Variants in TMEM98 observed in about 807,000 individuals in gnomAD.
The protein encoded by TMEM98 is transmembrane protein 98.
TMEM98 carries 18 observed loss-of-function variants against 25.0 expected under a neutral mutation model. The ratio of observed to expected loss-of-function variants is 0.72; its 90% confidence interval spans 0.50 to 1.07. The LOEUF is 1.07. TMEM98 is among the 50% of genes least tolerant of loss of function. The pLI, the probability that TMEM98 is intolerant of heterozygous loss-of-function variation, is 0.00. For missense variants in TMEM98, 241 were observed against 289.0 expected (o/e 0.83, Z 1.20); for synonymous variants, 103 against 112.4 (o/e 0.92, Z 0.53).
At chr17:32,931,993 G>A (rs2091472295) in intron 3 of TMEM98, among the ~76,000 whole-genome samples, 1 of 151,866 alleles carries the variant, frequency 6.6e-6, no homozygotes, top group Non-Finnish European at 1.5e-5. Flanking sequence ...AGACCCACAG[G>A]AACAGAAATC....
intron 6 of TMEM98, among the ~76,000 whole-genome samples, chr17:32,938,718 G>A (rs929914140): frequency 6.6e-6 from 1 of 151,940 alleles, no homozygotes. Context: ...GTGAAATACT[G>A]CAGACATACA....
At chr17:32,938,259 T>C (rs990807516) in intron 6 of TMEM98, among the ~76,000 whole-genome samples, 2 of 152,212 alleles carry the variant, frequency 1.3e-5, no homozygotes, top group Non-Finnish European at 2.9e-5. Flanking sequence ...TTGTTTTTCC[T>C]GCTCCATTTA....
rs2091532307 is a variant in TMEM98, at chr17:32,941,751, C to T, written c.*758C>T. The T allele has an allele frequency of 6.6e-6, 1 of 152,122 alleles. No individual in the cohort carries two copies. The highest frequency in any genetic ancestry group is 1.5e-5 in the Non-Finnish European group (1 of 68,042). The allele number at this position is 152,122 out of a possible 1,614,324, so 9.4% of individuals were successfully genotyped here. A position where few individuals can be genotyped will look rare whatever the true frequency, so the allele number is the denominator to read the frequency against. ...ATCCTGAGGATGATTTCTGTGTATGCCTCAAAATGAGATATTTAGGCTGGG... is the reference window on the plus strand; with the variant it reads ...ATCCTGAGGATGATTTCTGTGTATGTCTCAAAATGAGATATTTAGGCTGGG... On this transcript the variant is annotated 3_prime_UTR_variant, in exon 8 of 8. Transcript: ENST00000579849.
chr17:32,940,004 A>G (rs939601733), intron 7 of TMEM98, among the ~76,000 whole-genome samples: 1 of 152,278 alleles, frequency 6.6e-6, no homozygotes, highest in African/African-American at 2.4e-5. Context: ...ACTTAGCCCT[A>G]TGAAATTGTT....
chr17:32,935,072 A>C (rs1358796023), intron 5 of TMEM98, among the ~76,000 whole-genome samples: 1 of 152,040 alleles, frequency 6.6e-6, no homozygotes, highest in African/African-American at 2.4e-5. Context: ...ACTAGTAATT[A>C]TTCAAGATTT....
At chr17:32,929,439 G>A (rs1286439681) in intron 1 of TMEM98, among the ~76,000 whole-genome samples, 1 of 152,160 alleles carries the variant, frequency 6.6e-6, no homozygotes, top group Non-Finnish European at 1.5e-5. Flanking sequence ...TGAGAAGCGG[G>A]AGACGGGAGC....
In TMEM98 at chr17:32,938,128, G is replaced by C. The variant is rs116285236; in HGVS notation, c.414-1349G>C. Among the ~76,000 whole-genome samples the C allele has an allele frequency of 5.9e-3, 901 of 152,250 alleles. 8 individuals are homozygous for C. The highest frequency in any genetic ancestry group is 0.019 in the African/African-American group (804 of 41,530). On this transcript the variant is annotated intron_variant, in intron 6 of 7. Transcript: ENST00000579849. ...AGTGGACCTGTTCTGGTGCTCACAG[G>C]CCCATCCTAAAGAGTACCTTGGACT...
Position 32,928,897 on chromosome 17 carries a change from CAG to C in TMEM98, c.-131+663_-131+664del, listed in dbSNP as rs936421594. Among the ~76,000 whole-genome samples, 56 of 143,882 alleles carry C rather than the reference CAG, an allele frequency of 3.9e-4. 2 individuals are homozygous for C. Among genetic ancestry groups the C allele is most frequent in the Middle Eastern group, 7.0e-3 (2 of 284 alleles). The allele number at this position is 143,882 out of a possible 152,430, so 94.4% of individuals were successfully genotyped here. A position where few individuals can be genotyped will look rare whatever the true frequency, so the allele number is the denominator to read the frequency against. On this transcript the variant is annotated intron_variant, in intron 1 of 7. Transcript: ENST00000579849. ...ACACACACTCAGAAACACACGCACT[CAG>C]AGGCACACAAGATAAACACTCAGCT...
At chr17:32,936,788 C>T (rs968267904) in intron 6 of TMEM98, among the ~76,000 whole-genome samples, 1 of 152,220 alleles carries the variant, frequency 6.6e-6, no homozygotes, top group African/African-American at 2.4e-5. Context: ...GACACGCCTT[C>T]CTCCCAGGCC....
At position 32,933,271 on chromosome 17, in the gene TMEM98, A is replaced by G. The variant is rs1468884183; in HGVS notation, c.229A>G (p.Ile77Val). The G allele has an allele frequency of 3.1e-6, 5 of 1,614,072 alleles. No individual in the cohort carries two copies. In the Admixed American group the frequency reaches 6.7e-5, roughly 22 times the overall value. Residue 77 changes from isoleucine (I) to valine (V), a missense_variant, in exon 4 of 8, where the codon ATT becomes GTT. Physicochemically the swap from Ile to Val is conservative, Grantham distance 29. Transcript: ENST00000579849. ...VVITNPHIEA[I>V]LENEDWIEDA... Reference sequence around the variant, plus strand: ...TATCACCAACCCCCACATTGAGGCCATTCTGGAGAATGAAGACTGGATCGA... The same window carrying G: ...TATCACCAACCCCCACATTGAGGCCGTTCTGGAGAATGAAGACTGGATCGA...
Position 32,931,313 on chromosome 17 carries a change from T to C in TMEM98, c.-130-14T>C. 1 of 487,582 alleles carries C rather than the reference T, an allele frequency of 2.1e-6. No individual in the cohort carries two copies. Among genetic ancestry groups the C allele is most frequent in the Non-Finnish European group, 3.4e-6 (1 of 289,892 alleles). 30.2% of individuals were successfully genotyped at this position (487,582 alleles called of 1,614,324 possible). The stretch of plus-strand genomic sequence containing the variant: ...TTTGGGGCATGGCATAAATTTTACC[T>C]TGGTTCTCTTCAGGCCCTCAGGTCT... On this transcript the variant is annotated splice_polypyrimidine_tract_variant and intron_variant, in intron 1 of 7. Transcript: ENST00000579849.
rs2091479734 is a variant in TMEM98 at position 32,933,305 on chromosome 17, C to T, written c.263C>T (p.Ser88Leu). The T allele has an allele frequency of 6.2e-7, 1 of 1,614,062 alleles. No individual in the cohort carries two copies. Among genetic ancestry groups the T allele is most frequent in the African/African-American group, 1.3e-5 (1 of 75,036 alleles). The change falls in exon 4 of 8, where the codon TCG becomes TTG. Residue 88 changes from serine (S) to leucine (L), a missense_variant and splice_region_variant. Coordinates refer to ENST00000579849, the MANE Select transcript of TMEM98 (RefSeq NM_015544.3). ...AATGAAGACTGGATCGAAGATGCCT[C>T]GTAAGGCCATGGGAACTGTTTGCTT... ...LENEDWIEDA[S>L]GLMSHCIAIL... is the part of the protein sequence containing the mutation.
In TMEM98 at chr17:32,941,575, T is replaced by G. The variant is rs912900479; in HGVS notation, c.*582T>G. 64 of 152,358 alleles carry G rather than the reference T, an allele frequency of 4.2e-4. No homozygotes were observed. The highest frequency in any genetic ancestry group is 1.4e-3 in the African/African-American group (60 of 41,526). 9.4% of individuals were successfully genotyped at this position (152,358 alleles called of 1,614,324 possible). The stretch of plus-strand genomic sequence containing the variant: ...AGGAACTACAAAGTTGATGATTTCT[T>G]TTTTATCTTTATGCCTGCAATTTTA... On this transcript the variant is annotated 3_prime_UTR_variant, in exon 8 of 8. Transcript: ENST00000579849.
At chr17:32,938,170 G>A (rs29000) in intron 6 of TMEM98, among the ~76,000 whole-genome samples, 12,332 of 152,162 alleles carry the variant, frequency 0.081, 588 homozygotes, top group Non-Finnish European at 0.094. Context: ...AGAATGCTCC[G>A]TGCCATAATT....
At position 32,939,564 on chromosome 17, in the gene TMEM98, G is replaced by GT. The variant is rs1197967432; in HGVS notation, c.473+33dup. On this transcript the variant is annotated intron_variant, in intron 7 of 7. Transcript: ENST00000579849. ...GAGACCAGGGGTGGGTGCATGTTCG[G>GT]TTTTTCATGCAGAGGTCCACAACCG... 1.9e-6 allele frequency: 3 copies of GT among 1,613,526 alleles called. No homozygotes were observed. The African/African-American group carries it at 4.0e-5, about 22-fold the overall frequency.
intron 4 of TMEM98, among the ~76,000 whole-genome samples, chr17:32,933,775 T>TA (rs1272621754): frequency 1.3e-5 from 2 of 152,216 alleles, no homozygotes; most frequent in Non-Finnish European, 1.5e-5. Context: ...GTGCTGCAGA[T>TA]ATTGAAACGG....
In TMEM98 at chr17:32,939,534, A is replaced by C. The variant is rs773290580; in HGVS notation, c.471A>C (p.Ala157=). The change falls in exon 7 of 8, where the codon GCA becomes GCC. Residue 157 remains alanine (A), a splice_region_variant and synonymous_variant. Transcript: ENST00000579849. ...CGTTGGACCCCAAACTCCTGGACGC[A>C]CGGTGAGACCAGGGGTGGGTGCATG... The part of the protein sequence containing the change: ...YPPLDPKLLD[A]RTTALLLSVS... 2 of 1,614,132 alleles carry C rather than the reference A, an allele frequency of 1.2e-6. No individual in the cohort carries two copies. The highest frequency in any genetic ancestry group is 3.3e-5 in the Admixed American group (2 of 60,024).
chr17:32,937,897 C>T (rs2091505462), intron 6 of TMEM98, among the ~76,000 whole-genome samples: 1 of 152,142 alleles, frequency 6.6e-6, no homozygotes, highest in African/African-American at 2.4e-5. Flanking sequence ...GGCCTCCTTC[C>T]CCATTAGTTT....
At chr17:32,932,967 G>A (rs976757036) in intron 3 of TMEM98, among the ~76,000 whole-genome samples, 1 of 152,010 alleles carries the variant, frequency 6.6e-6, no homozygotes, top group South Asian at 2.1e-4. Flanking sequence ...TAGTGCTCCC[G>A]GCCTGCCTCC....
Sources: gnomAD v4.1 joint callset for allele counts (sites outside exome capture counted in the v4.1 genomes callset) on GRCh38, gnomAD v4.1.1 for gene constraint, MANE v1.5 for transcripts, NCBI Gene and HGNC (gene_info 2026-07-23, HGNC 2026-07-21) for gene names.